CBLC: variants seen among roughly 807,000 people sequenced by gnomAD.
CBLC encodes Cbl proto-oncogene C, also known as E3 ubiquitin-protein ligase CBL-C.
A neutral mutation model predicts 58.6 loss-of-function variants in CBLC; 46 were observed. The observed-to-expected ratio is 0.79, with a 90% CI of 0.62 to 1.00. The LOEUF (loss-of-function observed/expected upper bound fraction) is 1.00. Ranked by LOEUF, CBLC falls within the 50% of genes least tolerant of loss-of-function variation. The pLI is 0.00. For missense variants in CBLC, 655 were observed against 625.8 expected (o/e 1.05, Z -0.50); for synonymous variants, 271 against 264.2 (o/e 1.03, Z -0.25).
intron 9 of CBLC, among the ~76,000 whole-genome samples, chr19:44,798,841 ACT>A (rs749486231): frequency 8.6e-5 from 13 of 150,638 alleles, no homozygotes; most frequent in Admixed American, 1.3e-4. Flanking sequence ...TGGGGATCTG[ACT>A]CTTCCCCACC....
At position 44,797,715 on chromosome 19, in the gene CBLC, A is replaced by G. The variant is rs532123368; in HGVS notation, c.1363-2666A>G. 2.7e-3 allele frequency among the ~76,000 whole-genome samples: 396 copies of G among 147,486 alleles called. 4 individuals are homozygous for G. The highest frequency in any genetic ancestry group is 3.9e-4 in the Non-Finnish European group (26 of 67,116). ...GGTTGCAGTGAGCCAAGATAGCGCC[A>G]TTGCACTCCAGCCTGGGCGACAGAG... On this transcript the variant is annotated intron_variant, in intron 9 of 10. Transcript: ENST00000647358.
Position 44,781,260 on chromosome 19 carries a change from T to G in CBLC, c.554T>G (p.Val185Gly), listed in dbSNP as rs200445340. ...TCCCTCCTGGGCACCTGCCACCCTG[T>G]GGAACCAGGCTGCACAGCCCTGGCC... ...FESLLGTCHP[V>G]EPGCTALALR... The change falls in exon 3 of 11, where the codon GTG becomes GGG. Residue 185 changes from valine (V) to glycine (G), a missense_variant. This residue lies in a region of CBLC where 371 missense variants were observed against 370.8 expected (regional missense o/e 1.00). Coordinates refer to ENST00000647358, the MANE Select transcript of CBLC (RefSeq NM_012116.4). 1.2e-5 allele frequency: 19 copies of G among 1,613,702 alleles called. No homozygotes were observed. The highest frequency in any genetic ancestry group is 2.7e-5 in the African/African-American group (2 of 74,916).
At chr19:44,784,173 C>A in intron 4 of CBLC, 91 bp from the exon 5 acceptor site, 1 of 1,273,792 alleles carries the variant, frequency 7.9e-7, no homozygotes, top group Non-Finnish European at 1.1e-6. Context: ...ACCTAGACAC[C>A]TGGATTCCCA....
intron 7 of CBLC, among the ~76,000 whole-genome samples, chr19:44,793,202 G>T (rs942811872): frequency 6.6e-6 from 1 of 152,094 alleles, no homozygotes; most frequent in African/African-American, 2.4e-5. Context: ...GCCTGGAAAG[G>T]CCTGGCCCGG....
Position 44,794,231 on chromosome 19 carries a change from C to A in CBLC, c.1312C>A (p.Pro438Thr). The A allele has an allele frequency of 2.5e-6, 4 of 1,613,204 alleles. No individual in the cohort carries two copies. The highest frequency in any genetic ancestry group is 3.4e-6 in the Non-Finnish European group (4 of 1,179,624). The change falls in exon 9 of 11, where the codon CCA becomes ACA. Residue 438 changes from proline (P) to threonine (T), a missense_variant. Transcript: ENST00000647358. ...QVPLSAPPLP[P>T]RPDLPPRKPR... is the part of the protein sequence containing the mutation. ...GCCCCTTTCGGCTCCTCCATTGCCC[C>A]CACGGCCAGATCTGCCCCCCAGGAA...
intron 9 of CBLC, among the ~76,000 whole-genome samples, chr19:44,797,128 C>G (rs376520886): frequency 6.6e-6 from 1 of 152,140 alleles, no homozygotes; most frequent in African/African-American, 2.4e-5. Context: ...TCCTCCTCTC[C>G]CCAAACCCTG....
rs764769333 is a variant in CBLC at position 44,781,357 on chromosome 19, C to T, written c.651C>T (p.Leu217=). 6.2e-7 allele frequency: 1 copy of T among 1,609,060 alleles called. No individual in the cohort carries two copies. The highest frequency in any genetic ancestry group is 1.1e-5 in the South Asian group (1 of 91,038). ...SIFEFDVFTR[L]FQPWPTLLKN... is the part of the protein sequence containing the mutation. ...TCGAGTTCGACGTCTTCACCAGGCT[C>T]TTTCAGGTCAGGGAAGGCCAAGGCT... Residue 217 remains leucine (L), a synonymous_variant, in exon 3 of 11, where the codon CTC becomes CTT. Coordinates refer to ENST00000647358, the MANE Select transcript of CBLC (RefSeq NM_012116.4).
chr19:44,793,372 T>C (rs1968101716), intron 7 of CBLC, 102 bp from the exon 8 acceptor site: 2 of 1,285,438 alleles, frequency 1.6e-6, no homozygotes, highest in Middle Eastern at 2.7e-4. Flanking sequence ...CCTCTGTCTG[T>C]CTTCCCCACA....
chr19:44,792,434 A>G lies in CBLC; in HGVS notation c.1057A>G (p.Ile353Val). 1.2e-6 allele frequency: 2 copies of G among 1,613,606 alleles called. No individual in the cohort carries two copies. Among genetic ancestry groups the G allele is most frequent in the South Asian group, 2.2e-5 (2 of 91,062 alleles). ...GGACTCCACATTTGAGCTCTGCAAG[A>G]TCTGTGCTGAGAGCAACAAGGATGT... ...AMDSTFELCKICAESNKDVKI... is the reference protein window; with the variant it reads ...AMDSTFELCKVCAESNKDVKI... Residue 353 changes from isoleucine to valine, a missense_variant, in exon 7 of 11, where the codon ATC (isoleucine) becomes GTC (valine). Ile to Val is a conservative substitution (Grantham distance 29). Around this residue, in one of 3 missense-constraint regions of CBLC, gnomAD observed 371 missense variants for 370.8 expected, o/e 1.00. Coordinates refer to ENST00000647358, the MANE Select transcript of CBLC (RefSeq NM_012116.4).
Position 44,793,479 on chromosome 19 carries a change from G to A in CBLC, c.1143G>A (p.Ser381=), listed in dbSNP as rs535354110. The A allele has an allele frequency of 1.3e-5, 21 of 1,607,078 alleles. No homozygotes were observed. Among genetic ancestry groups the A allele is most frequent in the Middle Eastern group, 3.4e-4 (2 of 5,892 alleles). The part of the protein sequence containing the change: ...CSCCLAAWQH[S]DSQTCPFCRC... ...TCCCTCCCGACCTCCCCCAGCACTC[G>A]GACAGCCAGACCTGCCCCTTCTGCC... The change falls in exon 8 of 11, where the codon TCG becomes TCA. Residue 381 remains serine (S), a synonymous_variant. Transcript: ENST00000647358.
At chr19:44,793,112 G>A (rs975831530) in intron 7 of CBLC, among the ~76,000 whole-genome samples, 44 of 152,076 alleles carry the variant, frequency 2.9e-4, no homozygotes, top group African/African-American at 8.5e-4. Flanking sequence ...AGATCGTGCC[G>A]CTGCACTCCA....
At chr19:44,779,340 G>A (rs1412669352) in intron 1 of CBLC, among the ~76,000 whole-genome samples, 1 of 152,060 alleles carries the variant, frequency 6.6e-6, no homozygotes, top group Non-Finnish European at 1.5e-5. Context: ...CCCCCATCAC[G>A]GTTTCTGCCT....
intron 5 of CBLC, among the ~76,000 whole-genome samples, chr19:44,787,678 A>T (rs1228098291): frequency 6.6e-6 from 1 of 150,638 alleles, no homozygotes; most frequent in Non-Finnish European, 1.5e-5. Context: ...TTAACCAGGC[A>T]TGGTGGCAGG....
chr19:44,791,861 G>C (rs1395020025), intron 6 of CBLC, among the ~76,000 whole-genome samples: 1 of 152,136 alleles, frequency 6.6e-6, no homozygotes, highest in South Asian at 2.1e-4. Flanking sequence ...TAGAGACGGG[G>C]TCTTACTATG....
chr19:44,791,874 G>T (rs1356380657), intron 6 of CBLC, among the ~76,000 whole-genome samples: 1 of 151,922 alleles, frequency 6.6e-6, no homozygotes, highest in Non-Finnish European at 1.5e-5. Context: ...TTACTATGCT[G>T]CCCACGCTGG....
At chr19:44,792,975 C>G (rs1166129933) in intron 7 of CBLC, among the ~76,000 whole-genome samples, 2 of 151,888 alleles carry the variant, frequency 1.3e-5, no homozygotes, top group Non-Finnish European at 2.9e-5. Flanking sequence ...GGTGAAAACC[C>G]GTGTCTACTA....
At chr19:44,780,753 G>C (rs1170035348) in intron 1 of CBLC, 152 bp from the exon 2 acceptor site, 2 of 789,122 alleles carry the variant, frequency 2.5e-6, no homozygotes, top group East Asian at 5.4e-5. Flanking sequence ...GATTACAGGC[G>C]TGAGCCACCA....
intron 5 of CBLC, among the ~76,000 whole-genome samples, chr19:44,785,656 T>TG (rs1170397822): frequency 2.6e-5 from 4 of 151,608 alleles, no homozygotes; most frequent in African/African-American, 9.7e-5. Flanking sequence ...ACATTTTTGG[T>TG]GGGGCACGGT....
At chr19:44,792,013 G>A (rs1208691068) in intron 6 of CBLC, among the ~76,000 whole-genome samples, 1 of 146,438 alleles carries the variant, frequency 6.8e-6, no homozygotes, top group Non-Finnish European at 1.5e-5. Flanking sequence ...TTTTTTTTGA[G>A]ACGGAGTTTT....
Sources: allele counts gnomAD v4.1 joint callset (sites outside exome capture counted in the v4.1 genomes callset), GRCh38; gene constraint gnomAD v4.1.1; regional missense constraint gnomAD v4.1.1; transcripts MANE v1.5; gene names NCBI Gene and HGNC (gene_info 2026-07-23, HGNC 2026-07-21).